RIMS1: variants seen among roughly 807,000 people sequenced by gnomAD.
RIMS1 encodes regulating synaptic membrane exocytosis 1.
Under a neutral mutation model 214.1 loss-of-function variants are expected in RIMS1, and 83 were observed. That is an observed-to-expected ratio of 0.39 (90% CI 0.32 to 0.47). The LOEUF is 0.47. RIMS1 is among the 20% of genes least tolerant of loss of function. The pLI, the probability that RIMS1 is intolerant of heterozygous loss-of-function variation, is 0.99. For missense variants in RIMS1, 2,050 were observed against 2,161.8 expected, an observed-to-expected ratio of 0.95 and a Z score of 1.03; for synonymous variants, 793 against 786.8, an observed-to-expected ratio of 1.01 and a Z score of -0.13.
At chr6:71,944,665 G>A (rs943047131) in intron 1 of RIMS1, among the ~76,000 whole-genome samples, 2 of 152,104 alleles carry the variant, frequency 1.3e-5, no homozygotes, top group African/African-American at 4.8e-5. Context: ...TGAAAAACAG[G>A]CTAAAGATTT....
At chr6:72,213,018 G>C (rs1008355105) in intron 6 of RIMS1, 3 of 1,499,718 alleles carry the variant, frequency 2.0e-6, no homozygotes, top group Non-Finnish European at 2.7e-6. Flanking sequence ...GAGTGATGAA[G>C]GAGGCGCTTC....
chr6:72,065,993 C>A (rs980780296), intron 2 of RIMS1, among the ~76,000 whole-genome samples: 1 of 151,004 alleles, frequency 6.6e-6, no homozygotes, highest in African/African-American at 2.4e-5. Context: ...TGGGAATACT[C>A]CAAGATTAAG....
chr6:72,333,587 T>A lies in RIMS1; in HGVS notation c.4131-13T>A, dbSNP rs765822956. On this transcript the variant is annotated splice_polypyrimidine_tract_variant and intron_variant, in intron 28 of 33. Transcript: ENST00000521978. Reference sequence around the variant, plus strand: ...TTTATGGATGCATATATGTTTTTACTTTGTAAATATAGTTCATTTACCCCC... The same window carrying A: ...TTTATGGATGCATATATGTTTTTACATTGTAAATATAGTTCATTTACCCCC... The A allele has an allele frequency of 6.4e-7, 1 of 1,551,832 alleles. No homozygotes were observed. Among genetic ancestry groups the A allele is most frequent in the Non-Finnish European group, 8.8e-7 (1 of 1,142,696 alleles).
intron 2 of RIMS1, among the ~76,000 whole-genome samples, chr6:72,077,194 G>C (rs1674418177): frequency 6.6e-6 from 1 of 152,112 alleles, no homozygotes. Context: ...TGACAATCCT[G>C]TCTATGTAGC....
At chr6:72,243,417 T>C (rs541273715) in intron 10 of RIMS1, among the ~76,000 whole-genome samples, 67 of 151,864 alleles carry the variant, frequency 4.4e-4, no homozygotes, top group African/African-American at 1.6e-3. Flanking sequence ...TTTAACTGGT[T>C]ATTATTAAGA....
chr6:72,043,943 T>G (rs1329383801), intron 2 of RIMS1, among the ~76,000 whole-genome samples: 1 of 151,668 alleles, frequency 6.6e-6, no homozygotes, highest in Non-Finnish European at 1.5e-5. Context: ...GTACATATAG[T>G]CCAGATATGT....
intron 29 of RIMS1, among the ~76,000 whole-genome samples, chr6:72,367,036 A>G (rs1429106173): frequency 6.6e-6 from 1 of 152,238 alleles, no homozygotes; most frequent in East Asian, 1.9e-4. Flanking sequence ...AAATAATTAA[A>G]TGAAAATGAA....
intron 4 of RIMS1, among the ~76,000 whole-genome samples, chr6:72,155,815 A>T (rs1336355767): frequency 1.4e-5 from 2 of 140,704 alleles, no homozygotes; most frequent in African/African-American, 4.9e-5. Flanking sequence ...TTACAACTCA[A>T]GATGAGATGT....
intron 29 of RIMS1, among the ~76,000 whole-genome samples, chr6:72,386,013 A>C (rs894147542): frequency 2.0e-5 from 3 of 152,204 alleles, no homozygotes; most frequent in African/African-American, 7.2e-5. Flanking sequence ...TTTAATATTA[A>C]AAATATTCAA....
At chr6:72,059,170 A>T (rs534806374) in intron 2 of RIMS1, among the ~76,000 whole-genome samples, 1 of 152,234 alleles carries the variant, frequency 6.6e-6, no homozygotes, top group South Asian at 2.1e-4. Flanking sequence ...TTTTTCATAC[A>T]AAAGATATGT....
At chr6:72,099,908 G>C in intron 3 of RIMS1, 67 bp from the exon 4 acceptor site, 1 of 1,279,098 alleles carries the variant, frequency 7.8e-7, no homozygotes. Flanking sequence ...TTAATACATG[G>C]CTCAATTTTG....
At position 72,043,055 on chromosome 6, in the gene RIMS1, T is replaced by A. The variant is rs193145820; in HGVS notation, c.246-53894T>A. On this transcript the variant is annotated intron_variant, in intron 2 of 33. Coordinates refer to ENST00000521978, the MANE Select transcript of RIMS1 (RefSeq NM_014989.7). The stretch of plus-strand genomic sequence containing the variant: ...CCAACTTCTACTTTGCTTTTTTAGC[T>A]CTTACACTACACCCACTTGGTACTA... Among the ~76,000 whole-genome samples, 10 of 151,880 alleles carry A rather than the reference T, an allele frequency of 6.6e-5. No homozygotes were observed. In the Admixed American group the frequency reaches 6.6e-4, roughly 10 times the overall value.
intron 1 of RIMS1, among the ~76,000 whole-genome samples, chr6:71,945,354 G>T (rs1013539352): frequency 1.3e-5 from 2 of 152,154 alleles, no homozygotes; most frequent in African/African-American, 4.8e-5. Flanking sequence ...TGATCTAAAA[G>T]GCAGGGTGCT....
Position 71,939,617 on chromosome 6 carries a change from G to A in RIMS1, c.165-29366G>A, listed in dbSNP as rs1026425088. The stretch of plus-strand genomic sequence containing the variant: ...GCATCTGGTTAAGGGCCTTCCTGCT[G>A]CAACTTAACACTGTGGAAGGCAACA... On this transcript the variant is annotated intron_variant, in intron 1 of 33. Coordinates refer to ENST00000521978, the MANE Select transcript of RIMS1 (RefSeq NM_014989.7). 3.9e-5 allele frequency among the ~76,000 whole-genome samples: 6 copies of A among 152,190 alleles called. No individual in the cohort carries two copies. In the South Asian group the frequency reaches 6.2e-4, roughly 16 times the overall value.
chr6:72,332,841 G>C (rs932383183), intron 28 of RIMS1, among the ~76,000 whole-genome samples: 1 of 151,648 alleles, frequency 6.6e-6, no homozygotes, highest in Non-Finnish European at 1.5e-5. Context: ...TATTCTTTGG[G>C]GAGAGAAGGA....
chr6:72,263,754 A>G, intron 19 of RIMS1: 1 of 975,396 alleles, frequency 1.0e-6, no homozygotes, highest in Non-Finnish European at 1.2e-6. Context: ...ACTTGAGGTC[A>G]GGAGTTTGAG....
At chr6:72,092,814 C>A (rs966519964) in intron 2 of RIMS1, among the ~76,000 whole-genome samples, 1 of 152,076 alleles carries the variant, frequency 6.6e-6, no homozygotes, top group African/African-American at 2.4e-5. Flanking sequence ...ACTCCAAGAT[C>A]CCCCATGGAG....
intron 29 of RIMS1, among the ~76,000 whole-genome samples, chr6:72,356,020 C>A (rs1039612395): frequency 6.6e-6 from 1 of 152,152 alleles, no homozygotes; most frequent in Non-Finnish European, 1.5e-5. Flanking sequence ...CGTAATTCTT[C>A]CACATAATCT....
chr6:72,324,114 C>T (rs2096325490), intron 28 of RIMS1, among the ~76,000 whole-genome samples: 1 of 151,512 alleles, frequency 6.6e-6, no homozygotes, highest in South Asian at 2.1e-4. Flanking sequence ...GTGACCAGCA[C>T]TACAAAAAAT....
Sources: gnomAD v4.1 joint callset for allele counts (sites outside exome capture counted in the v4.1 genomes callset) on GRCh38, gnomAD v4.1.1 for gene constraint, MANE v1.5 for transcripts, NCBI Gene and HGNC (gene_info 2026-07-23, HGNC 2026-07-21) for gene names.